TEX48: variants seen among roughly 807,000 people sequenced by gnomAD.
TEX48 encodes the protein testis-expressed protein 48.
TEX48 carries 10 observed loss-of-function variants against 13.2 expected under a neutral mutation model. The observed-to-expected ratio is 0.75, with a 90% CI of 0.47 to 1.28. TEX48 has a LOEUF of 1.28. Ranked by LOEUF, TEX48 falls within the 50% of genes most tolerant of loss-of-function variation. The pLI is 0.00. For missense variants in TEX48, 116 were observed against 139.4 expected (o/e 0.83, Z 0.84); for synonymous variants, 45 against 52.3 (o/e 0.86, Z 0.60).
intron 1 of TEX48, among the ~76,000 whole-genome samples, chr9:114,674,298 C>A (rs74591861): frequency 6.6e-5 from 10 of 152,092 alleles, no homozygotes; most frequent in East Asian, 3.9e-4. Flanking sequence ...ATTTGCCCCC[C>A]CTGCTGAGTT....
intron 3 of TEX48, 105 bp from the exon 4 acceptor site, chr9:114,668,442 G>T: frequency 4.2e-6 from 4 of 960,820 alleles, no homozygotes; most frequent in Non-Finnish European, 6.4e-6. Context: ...GCAAGTGGGG[G>T]TTATTATGGG....
At chr9:114,678,652 C>A (rs1015065194) in intron 1 of TEX48, among the ~76,000 whole-genome samples, 2 of 151,898 alleles carry the variant, frequency 1.3e-5, no homozygotes, top group Non-Finnish European at 2.9e-5. Context: ...GAGTTTGAGA[C>A]CAGCCTGGAC....
chr9:114,674,575 TTTC>T (rs1340216041), intron 1 of TEX48, among the ~76,000 whole-genome samples: 4 of 72,606 alleles, frequency 5.5e-5, no homozygotes, highest in Admixed American at 3.6e-4. Context: ...TTTTCTTTTC[TTTC>T]TTTTTTTCTC....
chr9:114,666,650 C>G lies in TEX48; in HGVS notation c.356G>C (p.Arg119Thr). 2.0e-6 allele frequency: 3 copies of G among 1,527,492 alleles called. No individual in the cohort carries two copies. Among genetic ancestry groups the G allele is most frequent in the Non-Finnish European group, 2.6e-6 (3 of 1,141,088 alleles). The allele number at this position is 1,527,492 out of a possible 1,614,324, so 94.6% of individuals were successfully genotyped here. Residue 119 changes from arginine (R) to threonine (T), a missense_variant, in exon 5 of 5, where the codon AGG (arginine) becomes ACG (threonine). By Grantham distance (71) the Arg-to-Thr change is moderately conservative. Transcript: ENST00000436752. Reference sequence around the variant, plus strand: ...AGCCGCCGGCTAGAATGCTCAGGGCCTCCCAGTGAGGCATGGCTGGAATGG... The same window carrying G: ...AGCCGCCGGCTAGAATGCTCAGGGCGTCCCAGTGAGGCATGGCTGGAATGG... ...HWPFQPCLTG[R>T]P
chr9:114,669,835 A>G (rs1827913701), intron 3 of TEX48, among the ~76,000 whole-genome samples: 1 of 152,262 alleles, frequency 6.6e-6, no homozygotes, highest in South Asian at 2.1e-4. Context: ...CTGCCCCTCA[A>G]AGTGCTGGGA....
chr9:114,671,688 AT>A, intron 2 of TEX48, 31 bp downstream of exon 2: 1 of 1,535,482 alleles, frequency 6.5e-7, no homozygotes, highest in Non-Finnish European at 8.7e-7. Flanking sequence ...TGCCTAGGCC[AT>A]TTTTTCCTAT....
intron 1 of TEX48, among the ~76,000 whole-genome samples, chr9:114,678,117 A>G (rs1828110698): frequency 6.6e-6 from 1 of 152,212 alleles, no homozygotes; most frequent in South Asian, 2.1e-4. Flanking sequence ...CAAAAATGCC[A>G]AACATAAATA....
intron 1 of TEX48, among the ~76,000 whole-genome samples, chr9:114,673,158 G>A (rs1053769761): frequency 2.0e-5 from 3 of 152,008 alleles, no homozygotes; most frequent in Admixed American, 6.6e-5. Flanking sequence ...AGTATTCAGT[G>A]AGCACCAAAC....
chr9:114,671,244 T>C (rs372330240), intron 3 of TEX48, 139 bp downstream of exon 3: 1 of 1,026,954 alleles, frequency 9.7e-7, no homozygotes, highest in Non-Finnish European at 1.4e-6. Flanking sequence ...TACTTAGCCA[T>C]CCAACACCCA....
intron 4 of TEX48, among the ~76,000 whole-genome samples, chr9:114,667,215 G>T (rs1827857129): frequency 6.6e-6 from 1 of 152,210 alleles, no homozygotes; most frequent in Non-Finnish European, 1.5e-5. Context: ...TCTGTGAAAT[G>T]CTGTTTTCAA....
intron 4 of TEX48, among the ~76,000 whole-genome samples, chr9:114,667,903 C>T (rs1350849342): frequency 5.4e-5 from 1 of 18,446 alleles, no homozygotes; most frequent in African/African-American, 5.2e-4. Flanking sequence ...GAGACTCCAT[C>T]TCAAAAAAAA....
At chr9:114,671,251 C>T (rs1033342605) in intron 3 of TEX48, 132 bp downstream of exon 3, 8 of 1,094,620 alleles carry the variant, frequency 7.3e-6, no homozygotes, top group Non-Finnish European at 1.0e-5. Flanking sequence ...CCATCCAACA[C>T]CCACCTCATT....
At chr9:114,672,541 C>T (rs1244885038) in intron 1 of TEX48, among the ~76,000 whole-genome samples, 2 of 152,206 alleles carry the variant, frequency 1.3e-5, no homozygotes, top group Non-Finnish European at 1.5e-5. Context: ...ACCTAATTCA[C>T]TTCGCTTTGT....
intron 1 of TEX48, among the ~76,000 whole-genome samples, chr9:114,676,807 G>A (rs34538989): frequency 2.6e-5 from 4 of 151,816 alleles, no homozygotes; most frequent in Admixed American, 6.6e-5. Flanking sequence ...TAGTAGAGAC[G>A]GGGTTTCACT....
intron 1 of TEX48, among the ~76,000 whole-genome samples, chr9:114,676,311 G>A (rs1035958979): frequency 1.6e-4 from 24 of 151,338 alleles, no homozygotes; most frequent in Admixed American, 3.9e-4. Flanking sequence ...CTACAGGCTC[G>A]CACTACCATG....
intron 4 of TEX48, 137 bp from the exon 5 acceptor site, chr9:114,666,883 T>A: frequency 1.7e-6 from 1 of 593,546 alleles, no homozygotes; most frequent in East Asian, 2.9e-5. Context: ...CAGACCCTAG[T>A]CTAGGACTTG....
chr9:114,680,159 C>CTTTTTTTTTTT, intron 1 of TEX48, among the ~76,000 whole-genome samples: 1 of 83,660 alleles, frequency 1.2e-5, no homozygotes, highest in African/African-American at 4.9e-5. Flanking sequence ...TGGAGTTTTG[C>CTTTTTTTTTTT]TCTTGTTGCC....
At chr9:114,674,335 A>G (rs1223420591) in intron 1 of TEX48, among the ~76,000 whole-genome samples, 1 of 151,832 alleles carries the variant, frequency 6.6e-6, no homozygotes, top group Non-Finnish European at 1.5e-5. Context: ...TCCCAACTCA[A>G]CAATTTGTGC....
chr9:114,667,755 C>T (rs1019120299), intron 4 of TEX48, among the ~76,000 whole-genome samples: 2 of 151,904 alleles, frequency 1.3e-5, no homozygotes, highest in African/African-American at 2.4e-5. Context: ...AAAAATTAAC[C>T]AGGCATGTTG....
Sources: gnomAD v4.1 joint callset for allele counts (sites outside exome capture counted in the v4.1 genomes callset) on GRCh38, gnomAD v4.1.1 for gene constraint, MANE v1.5 for transcripts, NCBI Gene and HGNC (gene_info 2026-07-23, HGNC 2026-07-21) for gene names.